The following HERC4 variants were observed in gnomAD, a reference collection of about 807,000 sequenced individuals.
HERC4 encodes probable E3 ubiquitin-protein ligase HERC4.
HERC4 carries 28 observed loss-of-function variants against 124.3 expected under a neutral mutation model. The observed-to-expected ratio is 0.23, with a 90% CI of 0.17 to 0.31. The LOEUF is 0.31. HERC4 is among the 10% of genes least tolerant of loss of function. HERC4 has a pLI of 1.00. For synonymous variants in HERC4, 407 were observed against 421.5 expected (o/e 0.97, Z 0.42); for missense variants, 713 against 1,229.3 (o/e 0.58, Z 6.28).
intron 3 of HERC4, among the ~76,000 whole-genome samples, chr10:68,066,413 A>G (rs1468117635): frequency 2.0e-5 from 3 of 152,230 alleles, no homozygotes; most frequent in Admixed American, 2.0e-4. Flanking sequence ...TTTTAAGGAA[A>G]GTATGTGGCT....
chr10:68,069,492 G>A (rs2041462720), intron 3 of HERC4: 2 of 985,412 alleles, frequency 2.0e-6, no homozygotes, highest in Non-Finnish European at 2.4e-6. Context: ...AAATCTTTCT[G>A]TGTGGTCCCT....
chr10:67,971,330 T>C (rs950109508), intron 15 of HERC4, among the ~76,000 whole-genome samples: 5 of 152,164 alleles, frequency 3.3e-5, no homozygotes, highest in Admixed American at 2.0e-4. Flanking sequence ...AACAGCAATA[T>C]GAGAAATAAA....
intron 23 of HERC4, among the ~76,000 whole-genome samples, chr10:67,926,812 C>T (rs2031033200): frequency 6.6e-6 from 1 of 152,196 alleles, no homozygotes; most frequent in South Asian, 2.1e-4. Flanking sequence ...AGATCAGGCT[C>T]CTCCTTACGC....
chr10:68,072,222 G>A (rs1215878447), intron 3 of HERC4, among the ~76,000 whole-genome samples: 1 of 151,978 alleles, frequency 6.6e-6, no homozygotes, highest in Non-Finnish European at 1.5e-5. Flanking sequence ...CAATATCCAG[G>A]AACAGAACAT....
intron 19 of HERC4, among the ~76,000 whole-genome samples, chr10:67,949,505 C>A (rs2033641086): frequency 6.6e-6 from 1 of 152,032 alleles, no homozygotes; most frequent in Admixed American, 6.6e-5. Context: ...CAGTAACAAA[C>A]AAAAATCCAA....
intron 15 of HERC4, among the ~76,000 whole-genome samples, chr10:67,981,036 G>A (rs1211021481): frequency 2.0e-5 from 3 of 151,416 alleles, no homozygotes; most frequent in Non-Finnish European, 4.4e-5. Flanking sequence ...AATAGGAGGA[G>A]TGTGTCCTTA....
intron 15 of HERC4, among the ~76,000 whole-genome samples, chr10:67,978,230 T>C (rs2035715488): frequency 6.6e-6 from 1 of 152,166 alleles, no homozygotes; most frequent in Non-Finnish European, 1.5e-5. Context: ...ATTGCGTCAC[T>C]GCACTCCAGC....
intron 15 of HERC4, among the ~76,000 whole-genome samples, chr10:67,981,339 T>C (rs978338276): frequency 7.9e-5 from 12 of 152,224 alleles, no homozygotes; most frequent in African/African-American, 1.7e-4. Context: ...GATATAATCA[T>C]TGTAAACATA....
chr10:68,008,261 C>T lies in HERC4; in HGVS notation c.1069+5765G>A, dbSNP rs538372885. ...CTGTGCTAGATCACACCTGACAGTACTGGGTCTCACCCAAAGCATGTAGAG... is the reference window on the plus strand; with the variant it reads ...CTGTGCTAGATCACACCTGACAGTATTGGGTCTCACCCAAAGCATGTAGAG... On this transcript the variant is annotated intron_variant, in intron 9 of 24. Transcript: ENST00000373700. Among the ~76,000 whole-genome samples, 6 of 152,332 alleles carry T rather than the reference C, an allele frequency of 3.9e-5. No individual in the cohort carries two copies. The South Asian group carries it at 1.2e-3, about 32-fold the overall frequency.
chr10:68,028,766 A>C (rs1168875323), intron 7 of HERC4, among the ~76,000 whole-genome samples: 1 of 151,764 alleles, frequency 6.6e-6, no homozygotes, highest in African/African-American at 2.4e-5. Context: ...TTTTAGATCT[A>C]TCTCTTTTCT....
At chr10:67,979,428 A>G (rs573746361) in intron 15 of HERC4, among the ~76,000 whole-genome samples, 128 of 152,060 alleles carry the variant, frequency 8.4e-4, no homozygotes, top group Non-Finnish European at 1.7e-3. Flanking sequence ...AAAAAAGAAT[A>G]AAAAACAATA....
intron 21 of HERC4, among the ~76,000 whole-genome samples, chr10:67,938,560 T>C (rs1487155984): frequency 6.6e-6 from 1 of 152,188 alleles, no homozygotes; most frequent in Non-Finnish European, 1.5e-5. Flanking sequence ...ACCGTAATAC[T>C]TATGGATTTT....
intron 9 of HERC4, among the ~76,000 whole-genome samples, chr10:68,000,865 C>T (rs1016037244): frequency 6.6e-6 from 1 of 152,136 alleles, no homozygotes; most frequent in Admixed American, 6.5e-5. Flanking sequence ...CAGAAGGAAG[C>T]AACTCTAAAT....
At chr10:68,060,529 G>A (rs570406759) in intron 3 of HERC4, among the ~76,000 whole-genome samples, 2 of 152,204 alleles carry the variant, frequency 1.3e-5, no homozygotes, top group African/African-American at 2.4e-5. Flanking sequence ...GTGAGCCACC[G>A]CGTCCAGCCA....
intron 23 of HERC4, 109 bp from the exon 24 acceptor site, chr10:67,925,296 T>A (rs2030774526): frequency 1.8e-6 from 1 of 558,498 alleles, no homozygotes. Flanking sequence ...TTCAATGGAT[T>A]GCCCACTGTT....
At chr10:68,053,982 A>T (rs1482654129) in intron 3 of HERC4, among the ~76,000 whole-genome samples, 2 of 152,204 alleles carry the variant, frequency 1.3e-5, no homozygotes, top group Non-Finnish European at 2.9e-5. Flanking sequence ...TAAAGAGATC[A>T]TTTCAACTCT....
chr10:67,929,944 G>A (rs1221636313), intron 23 of HERC4, among the ~76,000 whole-genome samples: 1 of 151,982 alleles, frequency 6.6e-6, no homozygotes, highest in African/African-American at 2.4e-5. Flanking sequence ...CTCCCGAGCA[G>A]CTGGGATTAC....
chr10:68,015,375 T>A (rs1377393962), intron 8 of HERC4, among the ~76,000 whole-genome samples: 1 of 152,202 alleles, frequency 6.6e-6, no homozygotes, highest in African/African-American at 2.4e-5. Context: ...CGGCCAAAAT[T>A]ACTAAAACAA....
intron 8 of HERC4, among the ~76,000 whole-genome samples, chr10:68,018,090 T>A (rs902361482): frequency 6.6e-6 from 1 of 151,770 alleles, no homozygotes; most frequent in African/African-American, 2.4e-5. Flanking sequence ...AAGAAAAAAA[T>A]TATAGATCAA....
Sources: gnomAD v4.1 joint callset for allele counts (sites outside exome capture counted in the v4.1 genomes callset) on GRCh38, gnomAD v4.1.1 for gene constraint, MANE v1.5 for transcripts, NCBI Gene and HGNC (gene_info 2026-07-23, HGNC 2026-07-21) for gene names.